Variants in SCOC observed in about 807,000 individuals in gnomAD.
SCOC encodes short coiled coil protein.
SCOC carries 7 observed loss-of-function variants against 9.9 expected under a neutral mutation model. The ratio of observed to expected loss-of-function variants is 0.71; its 90% CI spans 0.40 to 1.33. SCOC has a LOEUF of 1.33. Among genes scored for constraint, SCOC ranks in the 40% most tolerant of loss-of-function variants. The pLI, the probability that SCOC is intolerant of heterozygous loss-of-function variation, is 0.01. For missense variants in SCOC, 66 were observed against 89.7 expected, an observed-to-expected ratio of 0.74 and a Z score of 1.07; for synonymous variants, 19 against 28.2, an observed-to-expected ratio of 0.67 and a Z score of 1.03.
intron 1 of SCOC, among the ~76,000 whole-genome samples, chr4:140,271,487 G>T (rs1730844433): frequency 6.6e-6 from 1 of 152,186 alleles, no homozygotes; most frequent in African/African-American, 2.4e-5. Flanking sequence ...AAAAGGTTTG[G>T]CACTGTGGTC....
intron 2 of SCOC, among the ~76,000 whole-genome samples, chr4:140,351,028 TAAA>T (rs544737285): frequency 3.0e-4 from 43 of 144,492 alleles, no homozygotes; most frequent in Non-Finnish European, 5.8e-4. Flanking sequence ...CATCTCTACT[TAAA>T]AAAAAAAAAT....
At chr4:140,272,230 T>C (rs1169256389) in intron 1 of SCOC, among the ~76,000 whole-genome samples, 3 of 151,736 alleles carry the variant, frequency 2.0e-5, no homozygotes, top group Non-Finnish European at 4.4e-5. Context: ...TAATTTTTTT[T>C]TTTTTTTATA....
Position 140,383,012 on chromosome 4 carries a change from A to T in SCOC, c.*1908A>T, listed in dbSNP as rs1202089338. On this transcript the variant is annotated 3_prime_UTR_variant, in exon 4 of 4. Coordinates refer to ENST00000608372, the MANE Select transcript of SCOC (RefSeq NM_001153484.2). ...TCAAGTCACTCTAGTTATTCTTCTA[A>T]TTTGCAGAAAAAGAACATGGAAGTG... 2 of 152,222 alleles carry T rather than the reference A, an allele frequency of 1.3e-5. No individual in the cohort carries two copies. Among genetic ancestry groups the T allele is most frequent in the Non-Finnish European group, 2.9e-5 (2 of 68,048 alleles). The allele number at this position is 152,222 out of a possible 1,614,324, so 9.4% of individuals were successfully genotyped here. A position where few individuals can be genotyped will look rare whatever the true frequency, so the allele number is the denominator to read the frequency against.
chr4:140,366,510 C>T (rs910391767), intron 2 of SCOC: 1 of 1,563,404 alleles, frequency 6.4e-7, no homozygotes, highest in Non-Finnish European at 8.8e-7. Flanking sequence ...TTATTCTGTT[C>T]CTCATTGCCT....
intron 1 of SCOC, chr4:140,343,527 C>T: frequency 1.3e-6 from 1 of 756,056 alleles, no homozygotes; most frequent in Non-Finnish European, 2.3e-6. Context: ...GATCAGATAG[C>T]ACCTGCTTGG....
chr4:140,321,562 G>A (rs1264109520), intron 1 of SCOC, among the ~76,000 whole-genome samples: 2 of 152,160 alleles, frequency 1.3e-5, no homozygotes, highest in African/African-American at 4.8e-5. Flanking sequence ...TCTTTCATGG[G>A]CTTACCAGTA....
chr4:140,286,867 T>C (rs1731285927), intron 1 of SCOC, among the ~76,000 whole-genome samples: 1 of 152,150 alleles, frequency 6.6e-6, no homozygotes. Context: ...AGAGGTACTT[T>C]GGGAGGAAAG....
At chr4:140,323,557 C>T (rs1732560894) in intron 1 of SCOC, among the ~76,000 whole-genome samples, 1 of 152,124 alleles carries the variant, frequency 6.6e-6, no homozygotes, top group Non-Finnish European at 1.5e-5. Flanking sequence ...CAAAGGACAT[C>T]ACTACTGATC....
chr4:140,299,561 G>A (rs915184775), intron 1 of SCOC, among the ~76,000 whole-genome samples: 7 of 152,178 alleles, frequency 4.6e-5, no homozygotes, highest in Non-Finnish European at 7.3e-5. Flanking sequence ...TGATTCAACT[G>A]GAGATATCAA....
At chr4:140,343,837 T>C in intron 2 of SCOC, 1 of 556,132 alleles carries the variant, frequency 1.8e-6, no homozygotes, top group South Asian at 4.6e-5. Flanking sequence ...AAAAATATAG[T>C]TACAAAAACA....
upstream of SCOC, among the ~76,000 whole-genome samples, chr4:140,368,745 C>T (rs762269308): frequency 1.3e-5 from 2 of 152,132 alleles, no homozygotes; most frequent in Non-Finnish European, 2.9e-5. Flanking sequence ...GTGAATGATG[C>T]ATTCATCTTG....
chr4:140,320,165 T>C (rs1281473376), intron 1 of SCOC, among the ~76,000 whole-genome samples: 1 of 152,134 alleles, frequency 6.6e-6, no homozygotes, highest in Non-Finnish European at 1.5e-5. Flanking sequence ...AGAAGCCGGC[T>C]AAAACCCACC....
upstream of SCOC, among the ~76,000 whole-genome samples, chr4:140,342,375 G>C (rs1726546628): frequency 6.6e-6 from 1 of 152,034 alleles, no homozygotes; most frequent in Admixed American, 6.6e-5. Flanking sequence ...CAGGATTCTT[G>C]TTTTTGAACA....
chr4:140,344,533 CT>C (rs1356295148), intron 2 of SCOC, among the ~76,000 whole-genome samples: 1 of 152,222 alleles, frequency 6.6e-6, no homozygotes, highest in Admixed American at 6.5e-5. Flanking sequence ...CAAAAAGCGT[CT>C]TTCTAAAGTG....
chr4:140,361,462 G>A (rs760800383), intron 2 of SCOC, among the ~76,000 whole-genome samples: 2 of 152,084 alleles, frequency 1.3e-5, no homozygotes, highest in African/African-American at 2.4e-5. Flanking sequence ...CCAGGAGTTT[G>A]AGACCAGCCT....
intron 1 of SCOC, among the ~76,000 whole-genome samples, chr4:140,306,919 GTTC>G (rs768559736): frequency 6.6e-6 from 1 of 152,186 alleles, no homozygotes; most frequent in Non-Finnish European, 1.5e-5. Flanking sequence ...TTGGGAGCAA[GTTC>G]TTCTTAGTGA....
upstream of SCOC, among the ~76,000 whole-genome samples, chr4:140,341,437 G>A (rs895374946): frequency 2.0e-5 from 3 of 152,152 alleles, no homozygotes; most frequent in South Asian, 6.2e-4. Flanking sequence ...ATAACATTCT[G>A]TCACTTTTTA....
At chr4:140,355,504 C>T (rs1727188972) in intron 2 of SCOC, among the ~76,000 whole-genome samples, 2 of 152,158 alleles carry the variant, frequency 1.3e-5, no homozygotes, top group African/African-American at 4.8e-5. Flanking sequence ...GTCTAGGTGA[C>T]TTCAAAGCCT....
intron 1 of SCOC, among the ~76,000 whole-genome samples, chr4:140,334,544 A>G (rs1172741960): frequency 6.6e-6 from 1 of 152,212 alleles, no homozygotes; most frequent in South Asian, 2.1e-4. Context: ...TTAAAAAAAC[A>G]CTAATAGCGA....
Sources: allele counts gnomAD v4.1 joint callset (sites outside exome capture counted in the v4.1 genomes callset), GRCh38; gene constraint gnomAD v4.1.1; transcripts MANE v1.5; gene names NCBI Gene and HGNC (gene_info 2026-07-23, HGNC 2026-07-21).